The following MCF2L2 variants were observed in gnomAD, a reference collection of about 807,000 sequenced individuals.
MCF2L2 encodes the protein probable guanine nucleotide exchange factor MCF2L2.
Under a neutral mutation model 150.2 loss-of-function variants are expected in MCF2L2, and 102 were observed. The observed-to-expected ratio is 0.68, with a 90% CI of 0.58 to 0.80. The LOEUF (loss-of-function observed/expected upper bound fraction) is 0.80. Among genes scored for constraint, MCF2L2 ranks in the 30% least tolerant of loss-of-function variants. MCF2L2 has a pLI of 0.00. For missense variants in MCF2L2, 1,256 were observed against 1,372.8 expected, an observed-to-expected ratio of 0.91 and a Z score of 1.34; for synonymous variants, 465 against 491.3, an observed-to-expected ratio of 0.95 and a Z score of 0.71.
In MCF2L2 at chr3:183,300,078, T is replaced by A; in HGVS notation, c.1232A>T (p.Asp411Val). 1 of 1,613,682 alleles carries A rather than the reference T, an allele frequency of 6.2e-7. No individual in the cohort carries two copies. The highest frequency in any genetic ancestry group is 8.5e-7 in the Non-Finnish European group (1 of 1,179,874). ...TTTTTTCTTGTTTCCATTGATGAAA[T>A]CGTCACAGAGGTGCCTGAGCTCCAC... ...RCVELRHLCD[D>V]FINGNKKKWD... Residue 411 changes from aspartate (D) to valine (V), a missense_variant, in exon 11 of 30, where the codon GAT (aspartate) becomes GTT (valine). Physicochemically the swap from Asp to Val is radical, Grantham distance 152 (BLOSUM62 -3). Coordinates refer to ENST00000328913, the MANE Select transcript of MCF2L2 (RefSeq NM_015078.4).
At chr3:183,380,149 T>C (rs192031758) in intron 2 of MCF2L2, among the ~76,000 whole-genome samples, 2 of 152,308 alleles carry the variant, frequency 1.3e-5, no homozygotes, top group Admixed American at 6.5e-5. Context: ...AAAATTCACA[T>C]TTAATTCAGA....
chr3:183,249,665 G>A (rs1424845848), intron 15 of MCF2L2, among the ~76,000 whole-genome samples: 1 of 152,190 alleles, frequency 6.6e-6, no homozygotes. Flanking sequence ...TGGAATTGAG[G>A]GAGGATGCTG....
At chr3:183,193,476 A>G (rs1024673164) in intron 26 of MCF2L2, among the ~76,000 whole-genome samples, 2 of 151,248 alleles carry the variant, frequency 1.3e-5, no homozygotes, top group African/African-American at 4.9e-5. Context: ...TCAGCCTCCC[A>G]AGTAGCTGGG....
intron 1 of MCF2L2, among the ~76,000 whole-genome samples, chr3:183,417,900 T>A (rs1006780458): frequency 1.3e-5 from 2 of 152,084 alleles, no homozygotes; most frequent in Non-Finnish European, 1.5e-5. Flanking sequence ...ACTGCCACTT[T>A]TAAAACCATC....
intron 10 of MCF2L2, among the ~76,000 whole-genome samples, chr3:183,309,276 T>C (rs1577052141): frequency 1.4e-5 from 2 of 142,820 alleles, no homozygotes; most frequent in Admixed American, 1.4e-4. Context: ...GTTTTTTTTT[T>C]TCTGGTTTCT....
At chr3:183,256,675 T>C (rs1448755811) in intron 15 of MCF2L2, among the ~76,000 whole-genome samples, 1 of 152,212 alleles carries the variant, frequency 6.6e-6, no homozygotes, top group Non-Finnish European at 1.5e-5. Flanking sequence ...TTTGACTCTT[T>C]TGCTCCTTTC....
At chr3:183,380,643 C>A (rs1713469610) in intron 2 of MCF2L2, among the ~76,000 whole-genome samples, 1 of 152,174 alleles carries the variant, frequency 6.6e-6, no homozygotes, top group Non-Finnish European at 1.5e-5. Context: ...TTTAGGTGAT[C>A]CACCCGCCTC....
chr3:183,273,056 GAA>G, intron 15 of MCF2L2: 1 of 1,482,894 alleles, frequency 6.7e-7, no homozygotes, highest in Non-Finnish European at 9.0e-7. Context: ...AAAGTACTGA[GAA>G]GAGTATCTGT....
At chr3:183,361,784 TG>T (rs2108567156) in intron 3 of MCF2L2, among the ~76,000 whole-genome samples, 1 of 152,346 alleles carries the variant, frequency 6.6e-6, no homozygotes, top group East Asian at 1.9e-4. Flanking sequence ...AATACTTAAG[TG>T]TGAATAAGTA....
intron 3 of MCF2L2, among the ~76,000 whole-genome samples, chr3:183,363,577 C>G (rs1216775285): frequency 6.6e-6 from 1 of 151,954 alleles, no homozygotes; most frequent in Admixed American, 6.6e-5. Flanking sequence ...GACCCCAACT[C>G]TACAAAAAAA....
At chr3:183,324,156 A>G (rs1007086689) in intron 5 of MCF2L2, among the ~76,000 whole-genome samples, 2 of 152,250 alleles carry the variant, frequency 1.3e-5, no homozygotes, top group Admixed American at 6.5e-5. Flanking sequence ...GTGCGCCCCG[A>G]TGAAGAATAT....
chr3:183,263,039 G>A (rs1435534323), intron 15 of MCF2L2, among the ~76,000 whole-genome samples: 1 of 152,084 alleles, frequency 6.6e-6, no homozygotes. Flanking sequence ...TGGGCAGGGT[G>A]GGGTGGCAGA....
chr3:183,263,734 T>C (rs1725834915), intron 15 of MCF2L2, among the ~76,000 whole-genome samples: 1 of 152,158 alleles, frequency 6.6e-6, no homozygotes, highest in Admixed American at 6.5e-5. Context: ...TCGAACTCAA[T>C]GCGAGTCTAA....
At chr3:183,388,277 T>C (rs1264961696) in intron 2 of MCF2L2, among the ~76,000 whole-genome samples, 1 of 152,172 alleles carries the variant, frequency 6.6e-6, no homozygotes, top group Non-Finnish European at 1.5e-5. Flanking sequence ...TCTAGGAATC[T>C]ACCTGACCCC....
chr3:183,230,888 T>G (rs1723524835), intron 16 of MCF2L2, 63 bp downstream of exon 16: 1 of 1,314,072 alleles, frequency 7.6e-7, no homozygotes, highest in Non-Finnish European at 1.1e-6. Flanking sequence ...TGAGTCTCTT[T>G]GTACAACAAA....
intron 3 of MCF2L2, among the ~76,000 whole-genome samples, chr3:183,370,379 G>A (rs1334511807): frequency 2.0e-5 from 3 of 152,270 alleles, no homozygotes. Flanking sequence ...CATCGGGCAA[G>A]GCCCAGGGTC....
At chr3:183,333,961 CAA>C (rs57368442) in intron 5 of MCF2L2, among the ~76,000 whole-genome samples, 54 of 95,006 alleles carry the variant, frequency 5.7e-4, no homozygotes, top group South Asian at 3.4e-3. Flanking sequence ...AAGGAAGTGC[CAA>C]AAAAAAAAAA....
chr3:183,200,492 T>C (rs962252765), intron 25 of MCF2L2, among the ~76,000 whole-genome samples: 11 of 152,232 alleles, frequency 7.2e-5, no homozygotes, highest in African/African-American at 2.7e-4. Flanking sequence ...CTTGTAAATT[T>C]GTTTAAGTTC....
At chr3:183,330,389 C>G (rs1255724443) in intron 5 of MCF2L2, among the ~76,000 whole-genome samples, 1 of 151,856 alleles carries the variant, frequency 6.6e-6, no homozygotes, top group African/African-American at 2.4e-5. Context: ...CCGTTGTTGA[C>G]CAAAATGTTG....
Sources: allele counts gnomAD v4.1 joint callset (sites outside exome capture counted in the v4.1 genomes callset), GRCh38; gene constraint gnomAD v4.1.1; transcripts MANE v1.5; gene names NCBI Gene and HGNC (gene_info 2026-07-23, HGNC 2026-07-21).